LTBR: variants seen among roughly 807,000 people sequenced by gnomAD.
LTBR encodes lymphotoxin beta receptor, also known as tumor necrosis factor receptor superfamily member 3.
LTBR carries 15 observed loss-of-function variants against 45.4 expected under a neutral mutation model. The observed-to-expected ratio is 0.33, with a 90% CI of 0.22 to 0.51. LTBR has a LOEUF of 0.51. Among genes scored for constraint, LTBR ranks in the 20% least tolerant of loss-of-function variants. The pLI, the probability that LTBR is intolerant of heterozygous loss-of-function variation, is 0.97. For synonymous variants in LTBR, 228 were observed against 231.0 expected (o/e 0.99, Z 0.12); for missense variants, 450 against 565.5 (o/e 0.80, Z 2.07).
chr12:6,377,400 AT>A, intron 1 of LTBR: 1 of 786,984 alleles, frequency 1.3e-6, no homozygotes, highest in East Asian at 2.7e-5. Flanking sequence ...AGAATTCAGA[AT>A]TCTCCTCCTC....
intron 2 of LTBR, 127 bp from the exon 3 acceptor site, chr12:6,384,895 G>A (rs902972199): frequency 1.5e-6 from 2 of 1,301,330 alleles, no homozygotes; most frequent in Non-Finnish European, 1.1e-6. Flanking sequence ...AGAGGGAGCC[G>A]GAGGGCCACT....
At chr12:6,375,314 T>C, upstream of LTBR, 1 of 1,435,214 alleles carries the variant, frequency 7.0e-7, no homozygotes, top group Non-Finnish European at 9.1e-7. Context: ...CCTTGCCCCC[T>C]CTCACTCTAG....
chr12:6,379,707 G>A (rs997019792), upstream of LTBR, among the ~76,000 whole-genome samples: 2 of 151,960 alleles, frequency 1.3e-5, no homozygotes, highest in Non-Finnish European at 2.9e-5. Flanking sequence ...GAGGCGGGTG[G>A]ATCATGAGGT....
chr12:6,389,903 G>A (rs990167947), intron 8 of LTBR: 1 of 576,250 alleles, frequency 1.7e-6, no homozygotes, highest in South Asian at 2.2e-5. Flanking sequence ...CCTGCAGTGA[G>A]CTATGATTGC....
At chr12:6,384,878 C>G in intron 2 of LTBR, 144 bp from the exon 3 acceptor site, 1 of 1,166,514 alleles carries the variant, frequency 8.6e-7, no homozygotes, top group Non-Finnish European at 1.2e-6. Context: ...CTTTCCTTAC[C>G]TCACTGAGAG....
Position 6,384,271 on chromosome 12 carries a change from C to T in LTBR, c.-88C>T. ...TCCCGTCCCAGGCTCTGGGCTCGGG[C>T]AGCCGCCGCCACCGCTGCCCAGGAC... On this transcript the variant is annotated 5_prime_UTR_variant, in exon 1 of 10. Coordinates refer to ENST00000228918, the MANE Select transcript of LTBR (RefSeq NM_002342.3). The T allele has an allele frequency of 7.0e-7, 1 of 1,419,054 alleles. No homozygotes were observed. Among genetic ancestry groups the T allele is most frequent in the Non-Finnish European group, 9.2e-7 (1 of 1,091,968 alleles). The allele number at this position is 1,419,054 out of a possible 1,614,324, so 87.9% of individuals were successfully genotyped here. A position where few individuals can be genotyped will look rare whatever the true frequency, so the allele number is the denominator to read the frequency against.
intron 2 of LTBR, 60 bp from the exon 3 acceptor site, chr12:6,384,962 C>A: frequency 6.2e-7 from 1 of 1,605,346 alleles, no homozygotes; most frequent in African/African-American, 1.3e-5. Context: ...ACACTACAGG[C>A]AGCGGAGGTG....
In LTBR at chr12:6,390,830, A is replaced by G; in HGVS notation, c.1201A>G (p.Thr401Ala). The G allele has an allele frequency of 6.2e-7, 1 of 1,611,850 alleles. No individual in the cohort carries two copies. Among genetic ancestry groups the G allele is most frequent in the Non-Finnish European group, 8.5e-7 (1 of 1,178,826 alleles). ...EGDPGPPGLS[T>A]PHQEDGKAWH... ...GGACCCTGGCCCTCCCGGGCTCTCT[A>G]CACCCCACCAGGAAGATGGCAAGGC... Residue 401 changes from threonine (T) to alanine (A), a missense_variant, in exon 10 of 10, where the codon ACA (threonine) becomes GCA (alanine). Thr to Ala is a moderately conservative substitution (Grantham distance 58, BLOSUM62 0). This residue lies in a region of LTBR where 71 missense variants were observed against 90.4 expected (regional missense o/e 0.79). Transcript: ENST00000228918.
upstream of LTBR, among the ~76,000 whole-genome samples, chr12:6,380,701 A>G (rs1948974549): frequency 6.6e-6 from 1 of 151,900 alleles, no homozygotes; most frequent in Non-Finnish European, 1.5e-5. Flanking sequence ...AAAAAAAAAA[A>G]AAAAGAAGAA....
At chr12:6,376,199 G>A (rs910870004) in intron 1 of LTBR, 1 of 985,048 alleles carries the variant, frequency 1.0e-6, no homozygotes, top group African/African-American at 1.7e-5. Flanking sequence ...GCGCACTCAG[G>A]TGGGATGCGT....
Position 6,390,147 on chromosome 12 carries a change from G to A in LTBR, c.837G>A (p.Glu279=), listed in dbSNP as rs754214226. The A allele has an allele frequency of 3.7e-6, 6 of 1,613,980 alleles. No individual in the cohort carries two copies. In the East Asian group the frequency reaches 1.3e-4, roughly 36 times the overall value. ...CCAATCCTGTAGCTGGAAGCTGGGA[G>A]CCTCCGAAGGCCCATCCATACTTCC... ...EGPNPVAGSW[E]PPKAHPYFPD... is the part of the protein sequence containing the mutation. The change falls in exon 9 of 10, where the codon GAG becomes GAA. Residue 279 remains glutamate (E), a synonymous_variant. Coordinates refer to ENST00000228918, the MANE Select transcript of LTBR (RefSeq NM_002342.3).
At chr12:6,380,561 G>A (rs901025995), upstream of LTBR, among the ~76,000 whole-genome samples, 1 of 152,100 alleles carries the variant, frequency 6.6e-6, no homozygotes, top group Non-Finnish European at 1.5e-5. Context: ...GCGCATGCCT[G>A]TAGTCCCAGC....
In LTBR at chr12:6,391,007, G is replaced by C; in HGVS notation, c.*70G>C. 1 of 1,451,610 alleles carries C rather than the reference G, an allele frequency of 6.9e-7. No homozygotes were observed. The allele number at this position is 1,451,610 out of a possible 1,614,324, so 89.9% of individuals were successfully genotyped here. A position where few individuals can be genotyped will look rare whatever the true frequency, so the allele number is the denominator to read the frequency against. ...TCTCCCTTGAGGCTGCCCTGCCCAC[G>C]TGGGATTCACAGGGGCCTGAGTAGG... On this transcript the variant is annotated 3_prime_UTR_variant, in exon 10 of 10. Coordinates refer to ENST00000228918, the MANE Select transcript of LTBR (RefSeq NM_002342.3).
Position 6,391,374 on chromosome 12 carries a change from G to A in LTBR, c.*437G>A, listed in dbSNP as rs1949112189. ...GGGTTCCACACTTCACGTGGACTGA[G>A]GTAGACCCTGCATGAAGATGAAATT... is the stretch of plus-strand genomic sequence containing the variant. On this transcript the variant is annotated 3_prime_UTR_variant, in exon 10 of 10. Transcript: ENST00000228918. 1 of 155,682 alleles carries A rather than the reference G, an allele frequency of 6.4e-6. No individual in the cohort carries two copies. Among genetic ancestry groups the A allele is most frequent in the Non-Finnish European group, 1.4e-5 (1 of 70,580 alleles). 9.6% of individuals were successfully genotyped at this position (155,682 alleles called of 1,614,324 possible).
upstream of LTBR, chr12:6,384,127 C>A (rs2136926448): frequency 7.9e-7 from 1 of 1,266,842 alleles, no homozygotes; most frequent in Non-Finnish European, 9.9e-7. Context: ...TGGCTCCCAG[C>A]GCTCCCTGTC....
In LTBR at chr12:6,388,292, C is replaced by T. The variant is rs1949071321; in HGVS notation, c.668-106C>T. On this transcript the variant is annotated intron_variant, in intron 6 of 9. Transcript: ENST00000228918. The surrounding 1 kb of genome is among the most constrained non-coding windows in gnomAD (Gnocchi z 4.3). ...TGTCTAGAAGGAAAAAAGCTGCTCCCTTTTCTCTGTCTGGGTTGCCCAGGG... is the reference window on the plus strand; with the variant it reads ...TGTCTAGAAGGAAAAAAGCTGCTCCTTTTTCTCTGTCTGGGTTGCCCAGGG... 3 of 802,064 alleles carry T rather than the reference C, an allele frequency of 3.7e-6. No homozygotes were observed. The highest frequency in any genetic ancestry group is 5.4e-4 in the Middle Eastern group (2 of 3,696). The allele number at this position is 802,064 out of a possible 1,614,324, so 49.7% of individuals were successfully genotyped here. A position where few individuals can be genotyped will look rare whatever the true frequency, so the allele number is the denominator to read the frequency against.
chr12:6,376,957 C>T (rs1354251510), intron 1 of LTBR, among the ~76,000 whole-genome samples: 3 of 152,170 alleles, frequency 2.0e-5, no homozygotes, highest in African/African-American at 4.8e-5. Context: ...GTCTTTAAAA[C>T]GGACTTCTAA....
chr12:6,381,817 A>G (rs572673803), upstream of LTBR, among the ~76,000 whole-genome samples: 5 of 152,320 alleles, frequency 3.3e-5, no homozygotes, highest in East Asian at 9.7e-4. Context: ...TACTAAAAAT[A>G]CAAAAATCAG....
chr12:6,384,108 AGGCCG>A, upstream of LTBR: 1 of 1,256,892 alleles, frequency 8.0e-7, no homozygotes, highest in South Asian at 3.3e-5. Context: ...CGATTGCGAC[AGGCCG>A]GCCTGGCTCC....
Sources: allele counts gnomAD v4.1 joint callset (sites outside exome capture counted in the v4.1 genomes callset), GRCh38; gene constraint gnomAD v4.1.1; regional missense constraint gnomAD v4.1.1; non-coding constraint Gnocchi (gnomAD v3.1); transcripts MANE v1.5; gene names NCBI Gene and HGNC (gene_info 2026-07-23, HGNC 2026-07-21).